Variants in SNCB observed in about 807,000 individuals in gnomAD.
SNCB encodes beta-synuclein.
SNCB carries 8 observed loss-of-function variants against 20.0 expected under a neutral mutation model. The ratio of observed to expected loss-of-function variants is 0.40; its 90% CI spans 0.24 to 0.72. SNCB has a LOEUF of 0.72. Ranked by LOEUF, SNCB falls within the 30% of genes least tolerant of loss-of-function variation. The pLI is 0.37. For missense variants in SNCB, 125 were observed against 168.0 expected, an observed-to-expected ratio of 0.74 and a Z score of 1.41; for synonymous variants, 56 against 65.4, an observed-to-expected ratio of 0.86 and a Z score of 0.69.
Position 176,629,338 on chromosome 5 carries a change from C to T in SNCB, c.121+196G>A. The T allele has an allele frequency of 3.2e-6, 2 of 620,406 alleles. No homozygotes were observed. Among genetic ancestry groups the T allele is most frequent in the East Asian group, 2.8e-5 (1 of 35,640 alleles). 38.4% of individuals were successfully genotyped at this position (620,406 alleles called of 1,614,324 possible). A position where few individuals can be genotyped will look rare whatever the true frequency, so the allele number is the denominator to read the frequency against. On this transcript the variant is annotated intron_variant, in intron 2 of 5. Coordinates refer to ENST00000393693, the MANE Select transcript of SNCB (RefSeq NM_003085.5). The surrounding 1 kb of genome is among the most constrained non-coding windows in gnomAD (Gnocchi z 4.1). Reference sequence around the variant, plus strand: ...TGGAGCCCCCCACCTCATCAGCCCGCCCCGTGTCCCCATTTCCGGATACAG... The same window carrying T: ...TGGAGCCCCCCACCTCATCAGCCCGTCCCGTGTCCCCATTTCCGGATACAG...
In SNCB at chr5:176,620,949, T is replaced by G. The variant is rs555695428; in HGVS notation, c.373-106A>C. The stretch of plus-strand genomic sequence containing the variant: ...AAGAACCCTCTCCCTGAAGGAGGAA[T>G]AGCACATTCCCCTTTTCCTGGGCAG... On this transcript the variant is annotated intron_variant, in intron 5 of 5. Transcript: ENST00000393693. The surrounding 1 kb of genome is among the most constrained non-coding windows in gnomAD (Gnocchi z 4.5). The G allele has an allele frequency of 3.1e-4, 305 of 995,056 alleles. 3 individuals are homozygous for G. In the South Asian group the frequency reaches 3.4e-3, roughly 11 times the overall value. The allele number at this position is 995,056 out of a possible 1,614,324, so 61.6% of individuals were successfully genotyped here.
Position 176,621,067 on chromosome 5 carries a change from T to C in SNCB, c.372+147A>G, listed in dbSNP as rs1337154027. The C allele has an allele frequency of 1.3e-6, 1 of 776,062 alleles. No individual in the cohort carries two copies. The highest frequency in any genetic ancestry group is 2.7e-5 in the East Asian group (1 of 37,478). The allele number at this position is 776,062 out of a possible 1,614,324, so 48.1% of individuals were successfully genotyped here. A position where few individuals can be genotyped will look rare whatever the true frequency, so the allele number is the denominator to read the frequency against. On this transcript the variant is annotated intron_variant, in intron 5 of 5. Coordinates refer to ENST00000393693, the MANE Select transcript of SNCB (RefSeq NM_003085.5). The surrounding 1 kb of genome is among the most constrained non-coding windows in gnomAD (Gnocchi z 4.1). ...ACCCTATCTGCCCTCTCCTCCCTGC[T>C]CCCACCTCCTGGGGCCTGGGTTCTA...
rs776047597 is a variant in SNCB, at chr5:176,621,290, G to A, written c.296C>T (p.Ala99Val). 6.2e-7 allele frequency: 1 copy of A among 1,613,452 alleles called. No individual in the cohort carries two copies. The highest frequency in any genetic ancestry group is 1.1e-5 in the South Asian group (1 of 90,772). Residue 99 changes from alanine to valine, a missense_variant, in exon 5 of 6, where the codon GCC (alanine) becomes GTC (valine). By Grantham distance (64) the Ala-to-Val change is moderately conservative. Transcript: ENST00000393693. This position sits in a 1 kb window ranked among gnomAD's most constrained non-coding sequence, Gnocchi z 4.1. The part of the protein sequence containing the change: ...FPTDLKPEEV[A>V]QEAAEEPLIE... Reference sequence around the variant, plus strand: ...CAGTGGTTCTTCAGCAGCTTCCTGGGCCACTTCCTCTGGCTGTGGGCAGAA... The same window carrying A: ...CAGTGGTTCTTCAGCAGCTTCCTGGACCACTTCCTCTGGCTGTGGGCAGAA...
chr5:176,621,402 G>T lies in SNCB; in HGVS notation c.283-99C>A. ...GGTGGGTTGGAGTGGGGAAGGCTAGGGTGGGTTGGCAGAGCAAGGATAATT... is the reference window on the plus strand; with the variant it reads ...GGTGGGTTGGAGTGGGGAAGGCTAGTGTGGGTTGGCAGAGCAAGGATAATT... On this transcript the variant is annotated intron_variant, in intron 4 of 5. Transcript: ENST00000393693. The surrounding 1 kb of genome is among the most constrained non-coding windows in gnomAD (Gnocchi z 4.1). 1 of 946,558 alleles carries T rather than the reference G, an allele frequency of 1.1e-6. No individual in the cohort carries two copies. The highest frequency in any genetic ancestry group is 1.7e-6 in the Non-Finnish European group (1 of 591,986). 58.6% of individuals were successfully genotyped at this position (946,558 alleles called of 1,614,324 possible).
chr5:176,625,037 AT>A (rs1430166588), intron 4 of SNCB, among the ~76,000 whole-genome samples: 1 of 152,188 alleles, frequency 6.6e-6, no homozygotes, highest in African/African-American at 2.4e-5. Context: ...AGGAGCCCCC[AT>A]CCCCATGGAG....
chr5:176,627,020 G>A (rs993856325), intron 2 of SNCB, among the ~76,000 whole-genome samples: 5 of 152,234 alleles, frequency 3.3e-5, no homozygotes, highest in Non-Finnish European at 7.3e-5. Context: ...GAGGGCCAGT[G>A]CTGTGTCAAG....
chr5:176,622,817 A>G (rs2113382032), intron 4 of SNCB, among the ~76,000 whole-genome samples: 1 of 147,238 alleles, frequency 6.8e-6, no homozygotes, highest in Non-Finnish European at 1.5e-5. Flanking sequence ...GCTCACCGCA[A>G]CCTCAGCCTC....
At position 176,629,911 on chromosome 5, in the gene SNCB, A is replaced by C. The variant is rs2113423704; in HGVS notation, c.-9-248T>G. On this transcript the variant is annotated intron_variant, in intron 1 of 5. Transcript: ENST00000393693. The surrounding 1 kb of genome is among the most constrained non-coding windows in gnomAD (Gnocchi z 4.1). ...TGCCTCGGTTATCCGGGCCCTGCAA[A>C]CTGCAGCCCCGTCGAACCGGAGTGC... The C allele has an allele frequency of 6.5e-6, 3 of 461,388 alleles. No individual in the cohort carries two copies. Among genetic ancestry groups the C allele is most frequent in the South Asian group, 3.0e-5 (1 of 33,702 alleles). 28.6% of individuals were successfully genotyped at this position (461,388 alleles called of 1,614,324 possible).
rs112552129 is a variant in SNCB at position 176,630,384 on chromosome 5, G to C, written c.-114C>G. The C allele has an allele frequency of 6.6e-6, 1 of 152,622 alleles. No individual in the cohort carries two copies. The highest frequency in any genetic ancestry group is 1.5e-5 in the Non-Finnish European group (1 of 68,256). 9.5% of individuals were successfully genotyped at this position (152,622 alleles called of 1,614,324 possible). On this transcript the variant is annotated 5_prime_UTR_variant, in exon 1 of 6. Transcript: ENST00000393693. Reference sequence around the variant, plus strand: ...TGGACCAGGGGCCGGAGGGGGGATAGGGCCGGGATCAGGCGCTCGGGTCGC... The same window carrying C: ...TGGACCAGGGGCCGGAGGGGGGATACGGCCGGGATCAGGCGCTCGGGTCGC...
Position 176,620,401 on chromosome 5 carries a change from A to G in SNCB, c.*410T>C, listed in dbSNP as rs1315728694. 4.9e-6 allele frequency: 1 copy of G among 203,728 alleles called. No individual in the cohort carries two copies. Among genetic ancestry groups the G allele is most frequent in the African/African-American group, 2.3e-5 (1 of 42,842 alleles). The allele number at this position is 203,728 out of a possible 1,614,324, so 12.6% of individuals were successfully genotyped here. A position where few individuals can be genotyped will look rare whatever the true frequency, so the allele number is the denominator to read the frequency against. ...CTGGCTCCTGGTTTTGGTTAAAAAAAAAAAGGTTCTCGAGGTTAATGGGAG... is the reference window on the plus strand; with the variant it reads ...CTGGCTCCTGGTTTTGGTTAAAAAAGAAAAGGTTCTCGAGGTTAATGGGAG... On this transcript the variant is annotated 3_prime_UTR_variant, in exon 6 of 6. Coordinates refer to ENST00000393693, the MANE Select transcript of SNCB (RefSeq NM_003085.5). The surrounding 1 kb of genome is among the most constrained non-coding windows in gnomAD (Gnocchi z 4.5).
chr5:176,628,468 T>C (rs896013715), intron 2 of SNCB, among the ~76,000 whole-genome samples: 1 of 152,152 alleles, frequency 6.6e-6, no homozygotes, highest in East Asian at 1.9e-4. Flanking sequence ...ACTAATCACA[T>C]CATGGCAGTC....
rs1561893913 is a variant in SNCB, at chr5:176,620,584, C to T, written c.*227G>A. The T allele has an allele frequency of 8.3e-6, 5 of 599,698 alleles. No individual in the cohort carries two copies. Among genetic ancestry groups the T allele is most frequent in the African/African-American group, 5.6e-5 (3 of 53,772 alleles). 37.1% of individuals were successfully genotyped at this position (599,698 alleles called of 1,614,324 possible). A position where few individuals can be genotyped will look rare whatever the true frequency, so the allele number is the denominator to read the frequency against. ...AGGAGGCAACACTGGAGGGGCGAGG[C>T]TCCCAGCCGCGACCGCAACCCTGGC... On this transcript the variant is annotated 3_prime_UTR_variant, in exon 6 of 6. Transcript: ENST00000393693. The surrounding 1 kb of genome is among the most constrained non-coding windows in gnomAD (Gnocchi z 4.5).
chr5:176,622,361 G>T (rs113355199), intron 4 of SNCB, among the ~76,000 whole-genome samples: 1 of 152,154 alleles, frequency 6.6e-6, no homozygotes, highest in Non-Finnish European at 1.5e-5. Context: ...ACTGTGGTGC[G>T]TGCCTCTAGT....
In SNCB at chr5:176,621,164, G is replaced by A; in HGVS notation, c.372+50C>T. On this transcript the variant is annotated intron_variant, in intron 5 of 5. Coordinates refer to ENST00000393693, the MANE Select transcript of SNCB (RefSeq NM_003085.5). This position sits in a 1 kb window ranked among gnomAD's most constrained non-coding sequence, Gnocchi z 4.1. Reference sequence around the variant, plus strand: ...TGTCCCACCCCAGCTAGGGACGGCAGCAATCATCCTGGATTCCCAAAGTCC... The same window carrying A: ...TGTCCCACCCCAGCTAGGGACGGCAACAATCATCCTGGATTCCCAAAGTCC... 7.0e-7 allele frequency: 1 copy of A among 1,429,802 alleles called. No individual in the cohort carries two copies. Among genetic ancestry groups the A allele is most frequent in the Non-Finnish European group, 9.8e-7 (1 of 1,024,804 alleles). The allele number at this position is 1,429,802 out of a possible 1,614,324, so 88.6% of individuals were successfully genotyped here.
Position 176,626,777 on chromosome 5 carries a change from G to A in SNCB, c.122-16C>T. On this transcript the variant is annotated splice_polypyrimidine_tract_variant and intron_variant, in intron 2 of 5. Transcript: ENST00000393693. This position sits in a 1 kb window ranked among gnomAD's most constrained non-coding sequence, Gnocchi z 4.2. ...GTCTTGCTTCCTGCAGGGAGAAAAA[G>A]CGGCACATTTAAGGACTCTGCGCTG... is the stretch of plus-strand genomic sequence containing the variant. 2 of 1,614,158 alleles carry A rather than the reference G, an allele frequency of 1.2e-6. No individual in the cohort carries two copies. The highest frequency in any genetic ancestry group is 8.5e-7 in the Non-Finnish European group (1 of 1,180,004).
rs1760263881 is a variant in SNCB, at chr5:176,629,962, C to T, written c.-9-299G>A. On this transcript the variant is annotated intron_variant, in intron 1 of 5. Coordinates refer to ENST00000393693, the MANE Select transcript of SNCB (RefSeq NM_003085.5). The surrounding 1 kb of genome is among the most constrained non-coding windows in gnomAD (Gnocchi z 4.1). ...TGGGTTCGGCGCGAATATCCAGGAC[C>T]CGCCTGTACACGCACGGCACAGTCA... The T allele has an allele frequency of 2.8e-6, 1 of 351,578 alleles. No homozygotes were observed. The highest frequency in any genetic ancestry group is 6.3e-5 in the East Asian group (1 of 15,802). 21.8% of individuals were successfully genotyped at this position (351,578 alleles called of 1,614,324 possible).
At position 176,626,914 on chromosome 5, in the gene SNCB, G is replaced by A. The variant is rs190135991; in HGVS notation, c.122-153C>T. On this transcript the variant is annotated intron_variant, in intron 2 of 5. Transcript: ENST00000393693. This position sits in a 1 kb window ranked among gnomAD's most constrained non-coding sequence, Gnocchi z 4.2. ...AACCTGCACCCCCATGTTAACCCCC[G>A]TCTTATCACTGCACTGGGCCCCACA... Among the ~76,000 whole-genome samples, 14 of 151,692 alleles carry A rather than the reference G, an allele frequency of 9.2e-5. No individual in the cohort carries two copies. Among genetic ancestry groups the A allele is most frequent in the Admixed American group, 2.6e-4 (4 of 15,234 alleles).
At chr5:176,624,681 A>G (rs1021046323) in intron 4 of SNCB, among the ~76,000 whole-genome samples, 1 of 152,102 alleles carries the variant, frequency 6.6e-6, no homozygotes, top group Non-Finnish European at 1.5e-5. Flanking sequence ...GGGTGCCTGT[A>G]ATTCCAGCAA....
intron 4 of SNCB, among the ~76,000 whole-genome samples, chr5:176,624,644 T>C (rs1759815157): frequency 6.6e-6 from 1 of 151,390 alleles, no homozygotes; most frequent in African/African-American, 2.4e-5. Context: ...CTACTAAAAA[T>C]ACAAAAAATT....
Sources: allele counts gnomAD v4.1 joint callset (sites outside exome capture counted in the v4.1 genomes callset), GRCh38; gene constraint gnomAD v4.1.1; non-coding constraint Gnocchi (gnomAD v3.1); transcripts MANE v1.5; gene names NCBI Gene and HGNC (gene_info 2026-07-23, HGNC 2026-07-21).